The following EXT1 variants were observed in gnomAD, a reference collection of about 807,000 sequenced individuals.
EXT1 encodes the protein exostosin glycosyltransferase 1, also known as exostosin-1.
EXT1 carries 20 observed loss-of-function variants against 82.5 expected under a neutral mutation model. The observed-to-expected ratio is 0.24, with a 90% CI of 0.17 to 0.35. The LOEUF (loss-of-function observed/expected upper bound fraction) is 0.35. Ranked by LOEUF, EXT1 falls within the 10% of genes least tolerant of loss-of-function variation. EXT1 has a pLI of 1.00. For missense variants in EXT1, 757 were observed against 936.5 expected, an observed-to-expected ratio of 0.81 and a Z score of 2.50; for synonymous variants, 348 against 350.8, an observed-to-expected ratio of 0.99 and a Z score of 0.09.
At chr8:117,900,502 A>AT (rs1813422313) in intron 1 of EXT1, among the ~76,000 whole-genome samples, 6 of 152,188 alleles carry the variant, frequency 3.9e-5, no homozygotes, top group Non-Finnish European at 8.8e-5. Flanking sequence ...TGATGCCATG[A>AT]AATAAATTCA....
At chr8:117,824,546 C>T (rs543750160) in intron 4 of EXT1, among the ~76,000 whole-genome samples, 150 of 152,286 alleles carry the variant, frequency 9.8e-4, no homozygotes, top group African/African-American at 3.5e-3. Context: ...CAATAAAATA[C>T]CACATTAATT....
chr8:117,839,476 G>A (rs1812239278), intron 1 of EXT1, among the ~76,000 whole-genome samples: 1 of 152,108 alleles, frequency 6.6e-6, no homozygotes, highest in Admixed American at 6.6e-5. Context: ...ATACGTATCT[G>A]TTCATATGTA....
chr8:118,048,753 G>A (rs1816669881), intron 1 of EXT1, among the ~76,000 whole-genome samples: 2 of 152,184 alleles, frequency 1.3e-5, no homozygotes, highest in Non-Finnish European at 2.9e-5. Flanking sequence ...CCAGATCTAT[G>A]AGTGGAATTA....
chr8:117,999,741 C>T (rs2129806912), intron 1 of EXT1, among the ~76,000 whole-genome samples: 2 of 152,238 alleles, frequency 1.3e-5, no homozygotes, highest in Middle Eastern at 3.4e-3. Context: ...TTTTCTTCCT[C>T]CTGCCTCTCC....
At chr8:117,834,308 A>T (rs1269090036) in intron 3 of EXT1, among the ~76,000 whole-genome samples, 2 of 152,190 alleles carry the variant, frequency 1.3e-5, no homozygotes, top group Non-Finnish European at 2.9e-5. Context: ...AGGAGAATCA[A>T]CAACAGACTT....
intron 1 of EXT1, among the ~76,000 whole-genome samples, chr8:118,101,566 T>A (rs1280666377): frequency 6.6e-6 from 1 of 152,196 alleles, no homozygotes; most frequent in Non-Finnish European, 1.5e-5. Flanking sequence ...TCTACCTAGG[T>A]AAGGCCTGCA....
chr8:117,885,835 G>A (rs1465732899), intron 1 of EXT1, among the ~76,000 whole-genome samples: 1 of 152,100 alleles, frequency 6.6e-6, no homozygotes, highest in East Asian at 1.9e-4. Flanking sequence ...GTACACCTGG[G>A]GGCTTCCCAA....
chr8:117,889,608 T>A (rs1813207247), intron 1 of EXT1, among the ~76,000 whole-genome samples: 1 of 152,180 alleles, frequency 6.6e-6, no homozygotes, highest in Admixed American at 6.5e-5. Context: ...TGCAAGTACC[T>A]AAAGGTCAGC....
At chr8:117,863,426 T>TTTG (rs1663135073) in intron 1 of EXT1, among the ~76,000 whole-genome samples, 1 of 148,980 alleles carries the variant, frequency 6.7e-6, no homozygotes, top group Non-Finnish European at 1.5e-5. Flanking sequence ...TTTTTTTTTT[T>TTTG]GGCATGTTTG....
intron 1 of EXT1, among the ~76,000 whole-genome samples, chr8:118,014,666 C>G (rs1281791969): frequency 1.3e-5 from 2 of 152,048 alleles, no homozygotes; most frequent in Non-Finnish European, 2.9e-5. Context: ...TCTTAAATGC[C>G]TGGGCTCAAG....
chr8:118,059,169 G>A (rs11562814), intron 1 of EXT1, among the ~76,000 whole-genome samples: 13 of 152,172 alleles, frequency 8.5e-5, no homozygotes, highest in Non-Finnish European at 1.6e-4. Context: ...TTCAGAGCAG[G>A]TACAAGCCTT....
At chr8:118,007,719 G>A (rs77956570) in intron 1 of EXT1, among the ~76,000 whole-genome samples, 1,783 of 152,338 alleles carry the variant, frequency 0.012, 35 homozygotes, top group African/African-American at 0.039. Flanking sequence ...CGCATCACCA[G>A]ATGAGAGAAA....
At chr8:117,924,041 G>C (rs1813909240) in intron 1 of EXT1, among the ~76,000 whole-genome samples, 1 of 152,202 alleles carries the variant, frequency 6.6e-6, no homozygotes, top group Admixed American at 6.5e-5. Flanking sequence ...GTAGACTCTT[G>C]GATTAGAGGA....
chr8:118,002,664 T>C (rs776926447), intron 1 of EXT1, among the ~76,000 whole-genome samples: 12 of 150,970 alleles, frequency 7.9e-5, no homozygotes, highest in Non-Finnish European at 1.6e-4. Context: ...CCTGAGTAGA[T>C]GGGACTACAG....
chr8:117,986,670 A>G (rs918256685), intron 1 of EXT1, among the ~76,000 whole-genome samples: 3 of 152,214 alleles, frequency 2.0e-5, no homozygotes. Flanking sequence ...AGAGAAAGCT[A>G]TACATTGGTG....
chr8:118,070,275 T>TGTGC (rs1340069009), intron 1 of EXT1, among the ~76,000 whole-genome samples: 2 of 132,870 alleles, frequency 1.5e-5, no homozygotes, highest in Non-Finnish European at 3.2e-5. Context: ...TGTGTGTGTG[T>TGTGC]GCATATCATA....
At chr8:118,075,810 G>C (rs1817197503) in intron 1 of EXT1, among the ~76,000 whole-genome samples, 1 of 151,842 alleles carries the variant, frequency 6.6e-6, no homozygotes, top group African/African-American at 2.4e-5. Flanking sequence ...GTAGGGGAGA[G>C]GTTTCACACA....
rs1398175363 is a variant in EXT1, at chr8:117,795,031, A to G, written c.*4681T>C. On this transcript the variant is annotated 3_prime_UTR_variant, in exon 11 of 11. Transcript: ENST00000378204. ...AAGGACAGGGATGTATTCCTGTAGG[A>G]GAAGAACAGAAAACTATTGCAGAAA... The G allele has an allele frequency of 4.0e-5, 6 of 151,470 alleles. No individual in the cohort carries two copies. The highest frequency in any genetic ancestry group is 8.9e-5 in the Non-Finnish European group (6 of 67,542). 9.4% of individuals were successfully genotyped at this position (151,470 alleles called of 1,614,324 possible). A position where few individuals can be genotyped will look rare whatever the true frequency, so the allele number is the denominator to read the frequency against.
chr8:117,826,593 A>G (rs1253026159), intron 4 of EXT1, among the ~76,000 whole-genome samples: 2 of 152,186 alleles, frequency 1.3e-5, no homozygotes, highest in Non-Finnish European at 1.5e-5. Flanking sequence ...ATTTTCTTCT[A>G]TTTCCCCTGA....
Sources: allele counts gnomAD v4.1 joint callset (sites outside exome capture counted in the v4.1 genomes callset), GRCh38; gene constraint gnomAD v4.1.1; transcripts MANE v1.5; gene names NCBI Gene and HGNC (gene_info 2026-07-23, HGNC 2026-07-21).